MAOB: variants seen among roughly 807,000 people sequenced by gnomAD.
The protein encoded by MAOB is amine oxidase [flavin-containing] B.
Under a neutral mutation model 41.9 loss-of-function variants are expected in MAOB, and 15 were observed. The ratio of observed to expected loss-of-function variants is 0.36; its 90% CI spans 0.24 to 0.55. The LOEUF (loss-of-function observed/expected upper bound fraction) is 0.55. Among genes scored for constraint, MAOB ranks in the 20% least tolerant of loss-of-function variants. The pLI is 0.86. For synonymous variants in MAOB, 167 were observed against 144.2 expected (o/e 1.16, Z -1.13); for missense variants, 345 against 398.7 (o/e 0.87, Z 1.15).
chrX:43,797,018 A>C, intron 6 of MAOB, 107 bp downstream of exon 6: 1 of 859,732 alleles, frequency 1.2e-6, no homozygotes, highest in Non-Finnish European at 1.6e-6. Context: ...ATGCTCTAAA[A>C]GCCACAAGCC....
chrX:43,812,401 G>A (rs960854063), intron 3 of MAOB, among the ~76,000 whole-genome samples: 1 of 111,892 alleles, frequency 8.9e-6, no homozygotes, highest in Admixed American at 9.5e-5. Flanking sequence ...TCCATTTTTA[G>A]TTTTTTGAGG....
At chrX:43,873,398 T>C (rs2035420053) in intron 1 of MAOB, among the ~76,000 whole-genome samples, 1 of 110,591 alleles carries the variant, frequency 9.0e-6, no homozygotes, top group African/African-American at 3.3e-5. Flanking sequence ...ACTAAGTATC[T>C]AGTAGGACAT....
intron 3 of MAOB, among the ~76,000 whole-genome samples, chrX:43,818,774 A>G (rs1297369210): frequency 8.9e-6 from 1 of 112,245 alleles, no homozygotes; most frequent in Non-Finnish European, 1.9e-5. Flanking sequence ...TGAAACAGGC[A>G]TTAAGAAATA....
chrX:43,844,090 T>C (rs776141044), intron 1 of MAOB, among the ~76,000 whole-genome samples: 4 of 111,512 alleles, frequency 3.6e-5, no homozygotes, highest in Non-Finnish European at 5.6e-5. Context: ...AATATATGAG[T>C]TGCAGACACA....
intron 3 of MAOB, among the ~76,000 whole-genome samples, chrX:43,807,351 T>C (rs1378827327): frequency 8.9e-6 from 1 of 112,245 alleles, no homozygotes; most frequent in Non-Finnish European, 1.9e-5. Flanking sequence ...ATTCAACATC[T>C]ATTGACTCCA....
intron 7 of MAOB, 91 bp downstream of exon 7, chrX:43,795,648 A>G (rs2034518292): frequency 1.3e-6 from 1 of 778,453 alleles, no homozygotes; most frequent in Admixed American, 2.8e-5. Flanking sequence ...GCATCAAAGG[A>G]CATCACTCTG....
chrX:43,866,743 A>G (rs1021737232), intron 1 of MAOB, among the ~76,000 whole-genome samples: 1 of 112,601 alleles, frequency 8.9e-6, no homozygotes, highest in African/African-American at 3.2e-5. Context: ...ACCATAATAG[A>G]AAAACAGAAT....
At chrX:43,880,569 C>A (rs2035466805) in intron 1 of MAOB, among the ~76,000 whole-genome samples, 1 of 112,620 alleles carries the variant, frequency 8.9e-6, no homozygotes, top group Non-Finnish European at 1.9e-5. Flanking sequence ...GTTCTTAGAA[C>A]AATGCCTATT....
chrX:43,874,663 G>A (rs977590005), intron 1 of MAOB, among the ~76,000 whole-genome samples: 1 of 110,811 alleles, frequency 9.0e-6, no homozygotes, highest in African/African-American at 3.3e-5. Context: ...ACTTTCTACT[G>A]TCCTGTAAAT....
intron 1 of MAOB, among the ~76,000 whole-genome samples, chrX:43,857,157 AGAGAGAGAAGAAGAGAG>A (rs2035302292): frequency 1.7e-5 from 1 of 60,456 alleles, no homozygotes; most frequent in African/African-American, 7.5e-5. Context: ...AGAGAGAGAG[AGAGAGAGAAGAAGAGAG>A]AGAGAGAGAG....
In MAOB at chrX:43,795,765, C is replaced by T; in HGVS notation, c.742G>A (p.Glu248Lys). ...IDQTRENVLV[E>K]TLNHEMYEAK... Reference sequence around the variant, plus strand: ...TCATACATCTCATGGTTTAGGGTCTCCACAAGGACATTTTCTCTTGTCTGG... The same window carrying T: ...TCATACATCTCATGGTTTAGGGTCTTCACAAGGACATTTTCTCTTGTCTGG... The change falls in exon 7 of 15, where the codon GAG (glutamate) becomes AAG (lysine). Residue 248 changes from glutamate (E) to lysine (K), a missense_variant. Coordinates refer to ENST00000378069, the MANE Select transcript of MAOB (RefSeq NM_000898.5). The T allele has an allele frequency of 8.3e-7, 1 of 1,209,897 alleles. No homozygotes were observed. Among genetic ancestry groups the T allele is most frequent in the Non-Finnish European group, 1.1e-6 (1 of 894,073 alleles).
At chrX:43,832,213 G>A (rs1050806056) in intron 3 of MAOB, among the ~76,000 whole-genome samples, 5 of 111,875 alleles carry the variant, frequency 4.5e-5, no homozygotes, top group Non-Finnish European at 9.4e-5. Flanking sequence ...TAAAGCATTC[G>A]TAAAACTGTC....
chrX:43,848,030 C>T (rs1402949292), intron 1 of MAOB, among the ~76,000 whole-genome samples: 1 of 112,410 alleles, frequency 8.9e-6, no homozygotes, highest in East Asian at 2.8e-4. Context: ...ATCTCAATTA[C>T]GAGTAGACAC....
chrX:43,770,195 T>C (rs2034164913), intron 12 of MAOB, among the ~76,000 whole-genome samples: 1 of 111,291 alleles, frequency 9.0e-6, no homozygotes, highest in Admixed American at 9.6e-5. Flanking sequence ...AGCAGTTGCA[T>C]CCAGTGACTG....
At chrX:43,775,813 C>T (rs754648765) in intron 11 of MAOB, among the ~76,000 whole-genome samples, 7 of 111,586 alleles carry the variant, frequency 6.3e-5, no homozygotes, top group Admixed American at 1.9e-4. Flanking sequence ...GTTTTTGACA[C>T]GAACAGGAAA....
In MAOB at chrX:43,848,507, GT is replaced by G. The variant is rs200207611; in HGVS notation, c.47-4744del. Among the ~76,000 whole-genome samples the G allele has an allele frequency of 5.7e-3, 580 of 102,622 alleles. 2 individuals carry two copies. The highest frequency in any genetic ancestry group is 0.015 in the Middle Eastern group (3 of 204). The allele number at this position is 102,622 out of a possible 115,157, so 89.1% of individuals were successfully genotyped here. On this transcript the variant is annotated intron_variant, in intron 1 of 14. Transcript: ENST00000378069. The stretch of plus-strand genomic sequence containing the variant: ...ACTATATAGGCATTCCCTTGGGACT[GT>G]TTTTTTTTTTATGTTGTTGTTGTCA...
intron 3 of MAOB, among the ~76,000 whole-genome samples, chrX:43,828,698 A>G (rs1474795960): frequency 9.0e-6 from 1 of 111,494 alleles, no homozygotes; most frequent in Non-Finnish European, 1.9e-5. Context: ...GTTGGCCTGC[A>G]CCTAAGCTGA....
rs2034602696 is a variant in MAOB at position 43,802,165 on chromosome X, G to A, written c.476+7C>T. 1 of 1,198,987 alleles carries A rather than the reference G, an allele frequency of 8.3e-7. No individual in the cohort carries two copies. The highest frequency in any genetic ancestry group is 1.7e-5 in the African/African-American group (1 of 57,647). ...AGTAAATGCCTGTGCCTAATGGCAA[G>A]ACTTACTCAGTCCAGCAGAGCTTGT... On this transcript the variant is annotated splice_region_variant and intron_variant, in intron 5 of 14. Transcript: ENST00000378069.
At chrX:43,840,985 G>C (rs2035130205) in intron 2 of MAOB, among the ~76,000 whole-genome samples, 1 of 108,443 alleles carries the variant, frequency 9.2e-6, no homozygotes, top group Non-Finnish European at 1.9e-5. Flanking sequence ...TGAAGCCAGG[G>C]AGCCAAGTGA....
Sources: gnomAD v4.1 joint callset for allele counts (sites outside exome capture counted in the v4.1 genomes callset) on GRCh38, gnomAD v4.1.1 for gene constraint, MANE v1.5 for transcripts, NCBI Gene and HGNC (gene_info 2026-07-23, HGNC 2026-07-21) for gene names.